Variants in AGMO observed in about 807,000 individuals in gnomAD.
AGMO encodes alkylglycerol monooxygenase.
AGMO carries 75 observed loss-of-function variants against 60.2 expected under a neutral mutation model. The ratio of observed to expected loss-of-function variants is 1.25; its 90% CI spans 1.03 to 1.51. The LOEUF is 1.51. Among genes scored for constraint, AGMO ranks in the 40% most tolerant of loss-of-function variants. The probability of loss-of-function intolerance (pLI) is 0.00; values close to 1 mark genes in which losing one functional copy is unlikely to be tolerated. For missense variants in AGMO, 763 were observed against 525.5 expected (o/e 1.45, Z -4.42); for synonymous variants, 261 against 177.1 (o/e 1.47, Z -3.76).
chr7:15,200,090 T>A (rs1279720104), downstream of AGMO, among the ~76,000 whole-genome samples: 1 of 152,154 alleles, frequency 6.6e-6, no homozygotes, highest in Non-Finnish European at 1.5e-5. Flanking sequence ...AGCATTAGTT[T>A]TTTTTAGTAC....
intron 12 of AGMO, among the ~76,000 whole-genome samples, chr7:15,352,787 A>C (rs920406249): frequency 6.6e-6 from 1 of 151,746 alleles, no homozygotes; most frequent in Non-Finnish European, 1.5e-5. Flanking sequence ...CTAGTATCTG[A>C]AATCTGTCCA....
chr7:15,275,610 C>G (rs1783759236), intron 12 of AGMO, among the ~76,000 whole-genome samples: 1 of 152,088 alleles, frequency 6.6e-6, no homozygotes, highest in African/African-American at 2.4e-5. Context: ...GATTTTCTGT[C>G]TTAATAATCT....
intron 12 of AGMO, among the ~76,000 whole-genome samples, chr7:15,202,057 T>A (rs866628264): frequency 2.0e-5 from 3 of 152,072 alleles, no homozygotes; most frequent in South Asian, 2.1e-4. Flanking sequence ...AACTATAGGA[T>A]TGCTTTCCTG....
intron 12 of AGMO, among the ~76,000 whole-genome samples, chr7:15,254,520 T>C (rs1783041564): frequency 6.6e-6 from 1 of 152,152 alleles, no homozygotes; most frequent in African/African-American, 2.4e-5. Flanking sequence ...CACCTATTGG[T>C]CATTTCTTTA....
chr7:15,436,732 A>G (rs1334691950), intron 3 of AGMO, among the ~76,000 whole-genome samples: 3 of 150,930 alleles, frequency 2.0e-5, no homozygotes, highest in Admixed American at 1.3e-4. Context: ...GACTTATTTG[A>G]TACACTCTTT....
intron 3 of AGMO, among the ~76,000 whole-genome samples, chr7:15,478,154 T>G (rs972137402): frequency 6.6e-6 from 1 of 152,152 alleles, no homozygotes; most frequent in African/African-American, 2.4e-5. Context: ...ACTTATGAGT[T>G]AGATATCGCT....
chr7:15,146,287 AC>A, the AGMO span, among the ~76,000 whole-genome samples: 2 of 152,200 alleles, frequency 1.3e-5, no homozygotes, highest in African/African-American at 4.8e-5. Context: ...TTATTCAGAA[AC>A]GGGTTTCTTA....
At chr7:15,360,354 A>G (rs1440203039) in intron 12 of AGMO, among the ~76,000 whole-genome samples, 1 of 152,326 alleles carries the variant, frequency 6.6e-6, no homozygotes, top group East Asian at 1.9e-4. Flanking sequence ...AAATTTGCCT[A>G]TAACTTTCAC....
intron 3 of AGMO, among the ~76,000 whole-genome samples, chr7:15,525,130 T>A (rs1249459572): frequency 6.6e-6 from 1 of 152,078 alleles, no homozygotes; most frequent in Non-Finnish European, 1.5e-5. Context: ...GCACAGCAAC[T>A]GAGAAGCTTT....
chr7:15,279,015 T>C (rs780867887), intron 12 of AGMO, among the ~76,000 whole-genome samples: 6 of 152,150 alleles, frequency 3.9e-5, no homozygotes, highest in Non-Finnish European at 7.4e-5. Context: ...AAGTGCTTAA[T>C]CTTCCCACTC....
At chr7:15,270,426 G>C (rs148732311) in intron 12 of AGMO, among the ~76,000 whole-genome samples, 2,104 of 151,840 alleles carry the variant, frequency 0.014, 44 homozygotes, top group African/African-American at 0.049. Context: ...GTCTTCCTTT[G>C]AGAAATGTCT....
chr7:15,370,926 G>A (rs1259438537), intron 10 of AGMO, among the ~76,000 whole-genome samples: 3 of 151,976 alleles, frequency 2.0e-5, no homozygotes, highest in Non-Finnish European at 2.9e-5. Context: ...TGTTTTTGTT[G>A]TAGTTGCTTT....
intron 12 of AGMO, among the ~76,000 whole-genome samples, chr7:15,218,327 A>ATGTGTGTGTATGTGTGTGTG (rs1554396503): frequency 6.9e-6 from 1 of 143,930 alleles, no homozygotes; most frequent in African/African-American, 2.6e-5. Flanking sequence ...TGGTGTGTGT[A>ATGTGTGTGTATGTGTGTGTG]TGTGTGTGTG....
At chr7:15,543,510 T>C (rs1044270075) in intron 3 of AGMO, among the ~76,000 whole-genome samples, 1 of 152,162 alleles carries the variant, frequency 6.6e-6, no homozygotes, top group East Asian at 1.9e-4. Context: ...CCTAGCTGAT[T>C]GCATTTTCAT....
At chr7:15,246,301 T>G (rs933769163) in intron 12 of AGMO, among the ~76,000 whole-genome samples, 1 of 152,022 alleles carries the variant, frequency 6.6e-6, no homozygotes, top group African/African-American at 2.4e-5. Flanking sequence ...GTTTAACTAA[T>G]GAATACATTT....
Position 15,308,519 on chromosome 7 carries a change from T to G in AGMO, c.1263+56995A>C, listed in dbSNP as rs187156400. On this transcript the variant is annotated intron_variant, in intron 12 of 12. Transcript: ENST00000342526. ...CTGTTTGTTGTCTCATTTGCTTGTATTAACTCATTTGCTTGTCATATTTGC... is the reference window on the plus strand; with the variant it reads ...CTGTTTGTTGTCTCATTTGCTTGTAGTAACTCATTTGCTTGTCATATTTGC... Among the ~76,000 whole-genome samples, 11 of 152,282 alleles carry G rather than the reference T, an allele frequency of 7.2e-5. No homozygotes were observed. The East Asian group carries it at 2.1e-3, about 29-fold the overall frequency.
intron 12 of AGMO, among the ~76,000 whole-genome samples, chr7:15,331,548 C>T (rs1382938490): frequency 6.6e-6 from 1 of 152,164 alleles, no homozygotes; most frequent in African/African-American, 2.4e-5. Context: ...AAGATTTTTG[C>T]ACTCTGCAGC....
chr7:15,187,686 G>C, the AGMO span, among the ~76,000 whole-genome samples: 1 of 151,966 alleles, frequency 6.6e-6, no homozygotes, highest in African/African-American at 2.4e-5. Flanking sequence ...TTGTGTATTG[G>C]GAGTTTGGTC....
chr7:15,161,309 A>G, the AGMO span, among the ~76,000 whole-genome samples: 1 of 152,070 alleles, frequency 6.6e-6, no homozygotes, highest in African/African-American at 2.4e-5. Flanking sequence ...AAAAAGACAA[A>G]TGTTCCCCAA....
Sources: allele counts gnomAD v4.1 joint callset (sites outside exome capture counted in the v4.1 genomes callset), GRCh38; gene constraint gnomAD v4.1.1; transcripts MANE v1.5; gene names NCBI Gene and HGNC (gene_info 2026-07-23, HGNC 2026-07-21).